TADA2A: variants seen among roughly 807,000 people sequenced by gnomAD.
TADA2A encodes transcriptional adapter 2-alpha.
In TADA2A, 38 loss-of-function variants were observed where a neutral mutation model predicts 67.4. The observed-to-expected ratio is 0.56, with a 90% confidence interval of 0.44 to 0.74. The LOEUF is 0.74. Among genes scored for constraint, TADA2A ranks in the 30% least tolerant of loss-of-function variants. The pLI is 0.00. For missense variants in TADA2A, 454 were observed against 547.0 expected, an observed-to-expected ratio of 0.83 and a Z score of 1.70; for synonymous variants, 192 against 181.6, an observed-to-expected ratio of 1.06 and a Z score of -0.46.
At chr17:37,471,223 G>C (rs2053780339) in intron 14 of TADA2A, 86 bp downstream of exon 14, 1 of 1,389,986 alleles carries the variant, frequency 7.2e-7, no homozygotes, top group East Asian at 2.4e-5. Flanking sequence ...TCCTTCCTCT[G>C]TGGTGTCAGG....
chr17:37,466,346 G>A (rs2053664534), intron 11 of TADA2A, among the ~76,000 whole-genome samples: 1 of 152,268 alleles, frequency 6.6e-6, no homozygotes, highest in Admixed American at 6.5e-5. Context: ...CTTGAACCCG[G>A]GTAGCCGAGG....
At chr17:37,423,717 A>T in intron 3 of TADA2A, 102 bp downstream of exon 3, 1 of 793,204 alleles carries the variant, frequency 1.3e-6, no homozygotes, top group Non-Finnish European at 1.9e-6. Flanking sequence ...TCTATGTCTT[A>T]TTAAATCTAT....
chr17:37,428,209 C>T (rs996139750), intron 4 of TADA2A, among the ~76,000 whole-genome samples: 5 of 152,134 alleles, frequency 3.3e-5, no homozygotes, highest in African/African-American at 1.2e-4. Flanking sequence ...ACAAATTTGT[C>T]TCACAGTTCT....
At chr17:37,423,834 C>G (rs2052322575) in intron 3 of TADA2A, among the ~76,000 whole-genome samples, 1 of 151,424 alleles carries the variant, frequency 6.6e-6, no homozygotes, top group Non-Finnish European at 1.5e-5. Context: ...ACTGCAATCT[C>G]CACCTCTTAG....
intron 6 of TADA2A, among the ~76,000 whole-genome samples, chr17:37,442,040 A>G (rs1025026259): frequency 1.3e-5 from 2 of 152,204 alleles, no homozygotes; most frequent in African/African-American, 2.4e-5. Context: ...GTTTCCTAAC[A>G]GCAACCCAGT....
intron 13 of TADA2A, 73 bp downstream of exon 13, chr17:37,470,605 C>T (rs1597947163): frequency 7.1e-7 from 1 of 1,414,456 alleles, no homozygotes; most frequent in Non-Finnish European, 9.3e-7. Context: ...TTTTTGGGCA[C>T]CCTAGATGGC....
At chr17:37,465,577 GT>G in intron 11 of TADA2A, 36 bp downstream of exon 11, 1 of 1,612,962 alleles carries the variant, frequency 6.2e-7, no homozygotes, top group Middle Eastern at 1.7e-4. Flanking sequence ...GTATTTGTGT[GT>G]GTATATTTAT....
rs71382468 is a variant in TADA2A, at chr17:37,410,262, G to A, written c.-97-1007G>A. Among the ~76,000 whole-genome samples the A allele has an allele frequency of 7.5e-3, 1,132 of 151,322 alleles. 4 individuals are homozygous for A. Among genetic ancestry groups the A allele is most frequent in the Non-Finnish European group, 0.013 (888 of 67,882 alleles). ...TGCAGTGGTGGCTCACTGCATCCTC[G>A]ACCTCCTAGGCCCAAGCGTTCCACC... On this transcript the variant is annotated intron_variant, in intron 1 of 15. Transcript: ENST00000615182.
At chr17:37,442,506 C>A in intron 6 of TADA2A, 58 bp from the exon 7 acceptor site, 2 of 1,321,366 alleles carry the variant, frequency 1.5e-6, no homozygotes, top group South Asian at 1.3e-5. Context: ...ACTATTATGT[C>A]ATTTTTTTCA....
chr17:37,472,414 A>G (rs1230746893), intron 14 of TADA2A, among the ~76,000 whole-genome samples: 2 of 151,640 alleles, frequency 1.3e-5, no homozygotes, highest in African/African-American at 2.4e-5. Flanking sequence ...ATTTCAAGTG[A>G]TTTTTTCTTA....
At chr17:37,415,770 A>G (rs963715603) in intron 2 of TADA2A, among the ~76,000 whole-genome samples, 6 of 150,478 alleles carry the variant, frequency 4.0e-5, no homozygotes, top group African/African-American at 1.5e-4. Context: ...GCTACTCAGG[A>G]GGCTGAGGCA....
intron 1 of TADA2A, among the ~76,000 whole-genome samples, chr17:37,408,876 A>G (rs1452915246): frequency 1.3e-5 from 2 of 152,346 alleles, no homozygotes; most frequent in African/African-American, 2.4e-5. Flanking sequence ...CAGCGTTAGC[A>G]GAAATGTTGC....
In TADA2A at chr17:37,474,726, T is replaced by A; in HGVS notation, c.1146+97T>A. ...ATTACAGGGTCAAACCCCTTTTGTT[T>A]CATTCATCTAACATATATGCACAGC... On this transcript the variant is annotated intron_variant, in intron 15 of 15. Coordinates refer to ENST00000615182, the MANE Select transcript of TADA2A (RefSeq NM_001166105.3). The A allele has an allele frequency of 3.1e-6, 4 of 1,309,812 alleles. No individual in the cohort carries two copies. The South Asian group carries it at 3.9e-5, about 13-fold the overall frequency. The allele number at this position is 1,309,812 out of a possible 1,614,324, so 81.1% of individuals were successfully genotyped here.
rs9895859 is a variant in TADA2A, at chr17:37,419,130, T to G, written c.26-4379T>G. On this transcript the variant is annotated intron_variant, in intron 2 of 15. Coordinates refer to ENST00000615182, the MANE Select transcript of TADA2A (RefSeq NM_001166105.3). ...TGGATGACATACTTTACAGTTTTAT[T>G]TTAGTCTGGAATGTTAAGAACTTAC... Among the ~76,000 whole-genome samples the G allele has an allele frequency of 4.6e-3, 670 of 146,506 alleles. 52 individuals are homozygous for G. The highest frequency in any genetic ancestry group is 0.015 in the African/African-American group (626 of 40,534).
chr17:37,470,331 T>C (rs2053758674), intron 12 of TADA2A, 69 bp from the exon 13 acceptor site: 3 of 1,578,978 alleles, frequency 1.9e-6, no homozygotes, highest in Non-Finnish European at 2.6e-6. Context: ...ACCGGTTTCT[T>C]GGTCAGTTAG....
chr17:37,407,744 A>C (rs1056281802), intron 1 of TADA2A, among the ~76,000 whole-genome samples: 11 of 149,888 alleles, frequency 7.3e-5, no homozygotes, highest in African/African-American at 2.7e-4. Flanking sequence ...GTGGGCCACC[A>C]CGCCCAGCTA....
chr17:37,410,474 C>T (rs2147892494), intron 1 of TADA2A, among the ~76,000 whole-genome samples: 1 of 152,070 alleles, frequency 6.6e-6, no homozygotes, highest in East Asian at 1.9e-4. Context: ...CTGTGCCTGG[C>T]CCTGTTACGT....
At chr17:37,458,479 T>C in intron 8 of TADA2A, 45 bp from the exon 9 acceptor site, 1 of 1,225,000 alleles carries the variant, frequency 8.2e-7, no homozygotes, top group Non-Finnish European at 1.1e-6. Flanking sequence ...TTATATAATA[T>C]ATATATGATA....
At chr17:37,466,936 C>T (rs1190738974) in intron 11 of TADA2A, among the ~76,000 whole-genome samples, 2 of 152,170 alleles carry the variant, frequency 1.3e-5, no homozygotes, top group Non-Finnish European at 2.9e-5. Context: ...GCGGGTGGAT[C>T]ACCTGAGGTC....
Sources: gnomAD v4.1 joint callset for allele counts (sites outside exome capture counted in the v4.1 genomes callset) on GRCh38, gnomAD v4.1.1 for gene constraint, MANE v1.5 for transcripts, NCBI Gene and HGNC (gene_info 2026-07-23, HGNC 2026-07-21) for gene names.